SOX13: variants seen among roughly 807,000 people sequenced by gnomAD.
SOX13 encodes the protein transcription factor SOX-13.
A neutral mutation model predicts 71.8 loss-of-function variants in SOX13; 28 were observed. The observed-to-expected ratio is 0.39, with a 90% CI of 0.29 to 0.53. The LOEUF is 0.53. SOX13 is among the 20% of genes least tolerant of loss of function. SOX13 has a pLI of 0.70. For missense variants in SOX13, 627 were observed against 810.3 expected, an observed-to-expected ratio of 0.77 and a Z score of 2.75; for synonymous variants, 309 against 317.8, an observed-to-expected ratio of 0.97 and a Z score of 0.29.
At chr1:204,087,312 G>T (rs1324193848) in intron 1 of SOX13, among the ~76,000 whole-genome samples, 1 of 152,222 alleles carries the variant, frequency 6.6e-6, no homozygotes, top group Non-Finnish European at 1.5e-5. Flanking sequence ...GCCTAGGACT[G>T]CTCGCCTTAT....
intron 1 of SOX13, among the ~76,000 whole-genome samples, chr1:204,085,191 TGGAGAATAATATAGTACCA>T (rs1318651355): frequency 6.6e-6 from 1 of 152,026 alleles, no homozygotes; most frequent in Non-Finnish European, 1.5e-5. Flanking sequence ...GGGGAGGACA[TGGAGAATAATATAGTACCA>T]GCACAGACAG....
chr1:204,111,345 C>G (rs968224068), intron 1 of SOX13, among the ~76,000 whole-genome samples: 2 of 152,222 alleles, frequency 1.3e-5, no homozygotes, highest in African/African-American at 4.8e-5. Context: ...CTTGGCTAGT[C>G]AGTAGCTGAG....
chr1:204,078,577 C>T (rs945986326), intron 1 of SOX13, among the ~76,000 whole-genome samples: 1 of 152,192 alleles, frequency 6.6e-6, no homozygotes. Context: ...GAACTCGTTG[C>T]GGTCCTCACC....
intron 1 of SOX13, among the ~76,000 whole-genome samples, chr1:204,082,513 TC>T (rs1461561553): frequency 1.3e-5 from 2 of 152,124 alleles, no homozygotes; most frequent in African/African-American, 4.8e-5. Flanking sequence ...ATCACCCCCT[TC>T]CCTCCTTTTG....
At chr1:204,104,351 G>C (rs905269467) in intron 1 of SOX13, among the ~76,000 whole-genome samples, 1 of 152,224 alleles carries the variant, frequency 6.6e-6, no homozygotes, top group Non-Finnish European at 1.5e-5. Context: ...AGAGGGACTC[G>C]CAGGAAAGCT....
chr1:204,119,617 C>T (rs1656762649), intron 7 of SOX13: 1 of 152,222 alleles, frequency 6.6e-6, no homozygotes, highest in African/African-American at 2.4e-5. Flanking sequence ...AGTTCATTTT[C>T]TTGTCATATG....
At chr1:204,097,288 A>G (rs1656270896) in intron 1 of SOX13, among the ~76,000 whole-genome samples, 1 of 152,224 alleles carries the variant, frequency 6.6e-6, no homozygotes, top group Non-Finnish European at 1.5e-5. Context: ...CATAGAGTGG[A>G]AGATGTGCAG....
In SOX13 at chr1:204,127,581, T is replaced by G. The variant is rs1230100433; in HGVS notation, c.*1447T>G. The G allele has an allele frequency of 6.6e-6, 1 of 152,642 alleles. No homozygotes were observed. The highest frequency in any genetic ancestry group is 1.5e-5 in the Non-Finnish European group (1 of 68,062). The allele number at this position is 152,642 out of a possible 1,614,324, so 9.5% of individuals were successfully genotyped here. ...TCTCTCCATCCTCAAAGCCCCCACT[T>G]CTCTCCAGGCTGTTTCTTTTTTTAT... On this transcript the variant is annotated 3_prime_UTR_variant, in exon 14 of 14. Transcript: ENST00000367204.
At chr1:204,114,086 C>T (rs967104777) in intron 2 of SOX13, among the ~76,000 whole-genome samples, 3 of 152,204 alleles carry the variant, frequency 2.0e-5, no homozygotes, top group African/African-American at 7.2e-5. Context: ...TGGGATCAAG[C>T]ATCGTGTGAG....
At position 204,085,457 on chromosome 1, in the gene SOX13, C is replaced by G. The variant is rs1655996945; in HGVS notation, c.-2+11746C>G. 2.0e-5 allele frequency among the ~76,000 whole-genome samples: 3 copies of G among 152,152 alleles called. No individual in the cohort carries two copies. In the South Asian group the frequency reaches 6.2e-4, roughly 31 times the overall value. ...GAGCATATTAAGGGCTCAAATCTAG[C>G]CAGAGTCTGGCGGGTACAGAGGTAA... On this transcript the variant is annotated intron_variant, in intron 1 of 13. Coordinates refer to ENST00000367204, the MANE Select transcript of SOX13 (RefSeq NM_005686.3).
intron 1 of SOX13, among the ~76,000 whole-genome samples, chr1:204,078,774 G>A (rs1655835477): frequency 6.6e-6 from 1 of 152,166 alleles, no homozygotes; most frequent in Non-Finnish European, 1.5e-5. Context: ...CTTTTGACTG[G>A]CCCTTCCTTA....
intron 4 of SOX13, among the ~76,000 whole-genome samples, chr1:204,115,762 G>A (rs916813339): frequency 2.0e-5 from 3 of 149,248 alleles, no homozygotes; most frequent in Non-Finnish European, 3.0e-5. Flanking sequence ...CACCTCCTGG[G>A]TTCAAGCGAT....
rs1443953981 is a variant in SOX13, at chr1:204,113,076, C to T, written c.161C>T (p.Ala54Val). The T allele has an allele frequency of 3.7e-6, 6 of 1,600,620 alleles. No individual in the cohort carries two copies. Among genetic ancestry groups the T allele is most frequent in the African/African-American group, 1.3e-5 (1 of 74,676 alleles). The change falls in exon 2 of 14, where the codon GCC (alanine) becomes GTC (valine). Residue 54 changes from alanine to valine, a missense_variant. This residue lies in a region of SOX13 where 447 missense variants were observed against 532.2 expected (regional missense o/e 0.84). Transcript: ENST00000367204. ...CCTCAGCCTGGAGACCCAGCCCGGG[C>T]CTCCCAGGATAGTGCTGACCCCCAA... is the stretch of plus-strand genomic sequence containing the variant. ...AEPQPGDPARASQDSADPQAP... is the reference protein window; with the variant it reads ...AEPQPGDPARVSQDSADPQAP...
intron 1 of SOX13, among the ~76,000 whole-genome samples, chr1:204,106,776 A>G (rs1287289425): frequency 2.0e-5 from 3 of 152,308 alleles, no homozygotes; most frequent in Admixed American, 2.0e-4. Context: ...AAGTGCTGGG[A>G]TTACAGCCGT....
intron 1 of SOX13, among the ~76,000 whole-genome samples, chr1:204,083,529 G>A (rs770045561): frequency 2.0e-5 from 3 of 152,202 alleles, no homozygotes; most frequent in African/African-American, 7.2e-5. Context: ...TGATCTCTAA[G>A]GAGATAGCTT....
At chr1:204,084,878 G>A (rs1289642292) in intron 1 of SOX13, among the ~76,000 whole-genome samples, 2 of 152,144 alleles carry the variant, frequency 1.3e-5, no homozygotes, top group Admixed American at 6.5e-5. Context: ...GCCTCTGAGC[G>A]AATCCACCAG....
chr1:204,102,666 A>T (rs114210139), intron 1 of SOX13, among the ~76,000 whole-genome samples: 1 of 150,094 alleles, frequency 6.7e-6, no homozygotes, highest in South Asian at 2.1e-4. Flanking sequence ...CTGCAGGTGC[A>T]TGTCTTCTGC....
chr1:204,117,488 C>T (rs1571591016), intron 6 of SOX13, 105 bp from the exon 7 acceptor site: 2 of 737,962 alleles, frequency 2.7e-6, no homozygotes, highest in African/African-American at 1.8e-5. Flanking sequence ...CTGCTTTATC[C>T]CCTGTGCCTC....
rs756639206 is a variant in SOX13, at chr1:204,124,793, G to C, written c.1528G>C (p.Val510Leu). 3.8e-6 allele frequency: 6 copies of C among 1,595,698 alleles called. No homozygotes were observed. The highest frequency in any genetic ancestry group is 4.3e-6 in the Non-Finnish European group (5 of 1,171,700). ...CATCGTGGAGGGCAAGCGGCTGCGCGTGGGAGAGTACAAGGCCCTGATGAG... is the reference window on the plus strand; with the variant it reads ...CATCGTGGAGGGCAAGCGGCTGCGCCTGGGAGAGTACAAGGCCCTGATGAG... ...TCIVEGKRLR[V>L]GEYKALMRTR... The change falls in exon 13 of 14, where the codon GTG (valine) becomes CTG (leucine). Residue 510 changes from valine to leucine, a missense_variant. Transcript: ENST00000367204.
Sources: gnomAD v4.1 joint callset for allele counts (sites outside exome capture counted in the v4.1 genomes callset) on GRCh38, gnomAD v4.1.1 for gene constraint, gnomAD v4.1.1 regional missense constraint, MANE v1.5 for transcripts, NCBI Gene and HGNC (gene_info 2026-07-23, HGNC 2026-07-21) for gene names.